PCDH11Y: variants seen among roughly 807,000 people sequenced by gnomAD.
PCDH11Y encodes the protein protocadherin-11 Y-linked.
For synonymous variants in PCDH11Y, 9 were observed against 83.6 expected (o/e 0.11, Z 4.87); for missense variants, 12 against 224.8 (o/e 0.05, Z 6.05).
chrY:5,575,948 G>A, intron 3 of PCDH11Y, among the ~76,000 whole-genome samples: 4 of 32,948 alleles, frequency 1.2e-4, no homozygotes, highest in Non-Finnish European at 2.3e-4. Context: ...AACAGATTGA[G>A]TATTAAAACA....
intron 2 of PCDH11Y, among the ~76,000 whole-genome samples, chrY:5,116,176 G>A: frequency 3.0e-5 from 1 of 33,823 alleles, no homozygotes; most frequent in Non-Finnish European, 7.3e-5. Context: ...ATCTTTCCTA[G>A]ACAATCTTAT....
chrY:5,082,283 C>T (rs2124632258), intron 1 of PCDH11Y, among the ~76,000 whole-genome samples: 7 of 33,273 alleles, frequency 2.1e-4, no homozygotes, highest in African/African-American at 3.5e-4. Context: ...GTATTTTATT[C>T]GGGATTTTTG....
At chrY:5,493,267 G>A in intron 2 of PCDH11Y, among the ~76,000 whole-genome samples, 1 of 33,090 alleles carries the variant, frequency 3.0e-5, no homozygotes, top group African/African-American at 1.2e-4. Context: ...TTGCTTGAAT[G>A]ACATTTGGCT....
At chrY:5,069,171 G>T (rs2052694673) in intron 1 of PCDH11Y, among the ~76,000 whole-genome samples, 1 of 32,919 alleles carries the variant, frequency 3.0e-5, no homozygotes, top group African/African-American at 1.2e-4. Flanking sequence ...TACATAGGGT[G>T]AATTTTTTTC....
At chrY:5,359,055 A>G in intron 2 of PCDH11Y, among the ~76,000 whole-genome samples, 1 of 29,300 alleles carries the variant, frequency 3.4e-5, no homozygotes, top group Non-Finnish European at 8.0e-5. Context: ...GCAAAAAAAA[A>G]AAAAAAAAAA....
At chrY:5,280,532 C>T (rs1266285667) in intron 2 of PCDH11Y, among the ~76,000 whole-genome samples, 19 of 31,553 alleles carry the variant, frequency 6.0e-4, no homozygotes, top group Non-Finnish European at 6.2e-4. Flanking sequence ...CATTGATGGG[C>T]ATTTAGGTTG....
chrY:5,246,621 A>T, intron 2 of PCDH11Y, among the ~76,000 whole-genome samples: 9 of 33,762 alleles, frequency 2.7e-4, no homozygotes, highest in Admixed American at 2.4e-3. Context: ...CAGCCACTGC[A>T]AAAACAAACC....
At chrY:5,259,223 T>C (rs2124657838) in intron 2 of PCDH11Y, among the ~76,000 whole-genome samples, 1 of 33,521 alleles carries the variant, frequency 3.0e-5, no homozygotes, top group Admixed American at 2.7e-4. Flanking sequence ...CAACACATCA[T>C]TGGGAATTGC....
At chrY:5,729,014 T>G in intron 4 of PCDH11Y, among the ~76,000 whole-genome samples, 1 of 33,698 alleles carries the variant, frequency 3.0e-5, no homozygotes, top group Non-Finnish European at 7.4e-5. Flanking sequence ...AGAAATCCAG[T>G]CCACCACTGA....
At chrY:5,445,450 CTCT>C (rs2053286807) in intron 2 of PCDH11Y, among the ~76,000 whole-genome samples, 20 of 27,149 alleles carry the variant, frequency 7.4e-4, no homozygotes, top group Middle Eastern at 0.017. Context: ...CTTCCTCTTC[CTCT>C]TCTTCTTCTT....
chrY:5,382,793 T>C (rs2124674511), intron 2 of PCDH11Y, among the ~76,000 whole-genome samples: 1 of 33,986 alleles, frequency 2.9e-5, no homozygotes, highest in South Asian at 6.4e-4. Context: ...AATTATAGTA[T>C]TTAATCATGT....
At chrY:5,337,594 A>ATT (rs2053139673) in intron 2 of PCDH11Y, among the ~76,000 whole-genome samples, 6 of 23,135 alleles carry the variant, frequency 2.6e-4, no homozygotes, top group African/African-American at 1.2e-3. Context: ...CTTTTTATCT[A>ATT]TTTTTTTTTT....
chrY:5,567,679 G>A, intron 3 of PCDH11Y, among the ~76,000 whole-genome samples: 1 of 26,449 alleles, frequency 3.8e-5, no homozygotes, highest in Non-Finnish European at 8.7e-5. Context: ...TATATGTGTA[G>A]TGTATATATA....
intron 4 of PCDH11Y, among the ~76,000 whole-genome samples, chrY:5,642,220 T>C (rs2124705138): frequency 3.1e-5 from 1 of 32,555 alleles, no homozygotes; most frequent in African/African-American, 1.2e-4. Flanking sequence ...ATTCAGAGAG[T>C]GAGCTAAATA....
intron 3 of PCDH11Y, among the ~76,000 whole-genome samples, chrY:5,516,598 G>T: frequency 3.0e-5 from 1 of 33,048 alleles, no homozygotes; most frequent in South Asian, 6.6e-4. Flanking sequence ...GTGTGTACTG[G>T]GATATGTGTC....
chrY:5,230,116 G>A, intron 2 of PCDH11Y, among the ~76,000 whole-genome samples: 2 of 33,373 alleles, frequency 6.0e-5, no homozygotes, highest in Admixed American at 2.7e-4. Context: ...AAAAGTTGTT[G>A]TAGTTATTAT....
chrY:5,070,572 G>A, intron 1 of PCDH11Y, among the ~76,000 whole-genome samples: 2 of 33,504 alleles, frequency 6.0e-5, no homozygotes, highest in Non-Finnish European at 1.5e-4. Flanking sequence ...ATGTGGTATA[G>A]GGGTTCAGTT....
At chrY:5,522,646 G>A in intron 3 of PCDH11Y, among the ~76,000 whole-genome samples, 1 of 33,844 alleles carries the variant, frequency 3.0e-5, no homozygotes, top group African/African-American at 1.2e-4. Context: ...AAGCTAGAAC[G>A]TGGTTTGGCA....
At chrY:5,737,693 T>C in exon 5 of PCDH11Y, 1 of 397,450 alleles carries the variant, frequency 2.5e-6, no homozygotes, top group African/African-American at 6.3e-5. Flanking sequence ...CACAGGTTAT[T>C]GCCCTCCATC....
Sources: allele counts gnomAD v4.1 joint callset (sites outside exome capture counted in the v4.1 genomes callset), GRCh38; gene constraint gnomAD v4.1.1; transcripts MANE v1.5; gene names NCBI Gene and HGNC (gene_info 2026-07-23, HGNC 2026-07-21).